The following BCAS3 variants were observed in gnomAD, a reference collection of about 807,000 sequenced individuals.
BCAS3 encodes the protein BCAS3 microtubule associated cell migration factor, also known as BCAS4/BCAS3 fusion.
A neutral mutation model predicts 116.1 loss-of-function variants in BCAS3; 53 were observed. The ratio of observed to expected loss-of-function variants is 0.46; its 90% CI spans 0.37 to 0.57. The LOEUF is 0.57. Ranked by LOEUF, BCAS3 falls within the 20% of genes least tolerant of loss-of-function variation. The pLI, the probability that BCAS3 is intolerant of heterozygous loss-of-function variation, is 0.00. For synonymous variants in BCAS3, 391 were observed against 408.2 expected, an observed-to-expected ratio of 0.96 and a Z score of 0.51; for missense variants, 917 against 1,165.4, an observed-to-expected ratio of 0.79 and a Z score of 3.10.
At chr17:61,262,939 G>T (rs931458804) in intron 22 of BCAS3, among the ~76,000 whole-genome samples, 1 of 152,010 alleles carries the variant, frequency 6.6e-6, no homozygotes, top group Non-Finnish European at 1.5e-5. Context: ...TGATCCACCC[G>T]CCTCAGCCTC....
chr17:60,889,614 G>T, intron 9 of BCAS3, 81 bp from the exon 10 acceptor site: 1 of 1,141,254 alleles, frequency 8.8e-7, no homozygotes, highest in Non-Finnish European at 1.3e-6. Flanking sequence ...TGATTTTTCT[G>T]TTTTTCTGGC....
chr17:60,859,570 AC>A (rs997075652), intron 7 of BCAS3, among the ~76,000 whole-genome samples: 8 of 137,742 alleles, frequency 5.8e-5, no homozygotes, highest in African/African-American at 2.5e-4. Context: ...AATATGTACC[AC>A]ATTTTTTTTT....
At chr17:61,314,649 C>T (rs1236049847) in intron 22 of BCAS3, among the ~76,000 whole-genome samples, 1 of 152,334 alleles carries the variant, frequency 6.6e-6, no homozygotes, top group South Asian at 2.1e-4. Context: ...AAGTGCTTGC[C>T]AAGCCTGAAA....
chr17:61,105,726 C>G lies in BCAS3; in HGVS notation c.2425+21162C>G, dbSNP rs2074604560. On this transcript the variant is annotated intron_variant, in intron 22 of 23. Coordinates refer to ENST00000407086, the MANE Select transcript of BCAS3 (RefSeq NM_017679.5). The surrounding 1 kb of genome is among the most constrained non-coding windows in gnomAD (Gnocchi z 4.3). ...ACAGGTGTGAGCCACTGTGCCCGGC[C>G]TAAACCCACAGAATTCTTATACCTC... Among the ~76,000 whole-genome samples the G allele has an allele frequency of 6.6e-6, 1 of 151,682 alleles. No individual in the cohort carries two copies. The highest frequency in any genetic ancestry group is 1.5e-5 in the Non-Finnish European group (1 of 67,976).
chr17:60,795,521 T>G (rs1048574994), intron 6 of BCAS3, among the ~76,000 whole-genome samples: 3 of 152,182 alleles, frequency 2.0e-5, no homozygotes, highest in African/African-American at 7.2e-5. Context: ...GCTTTCAACT[T>G]TTCCCCATTC....
chr17:60,718,518 T>C (rs1373403836), intron 5 of BCAS3, among the ~76,000 whole-genome samples: 2 of 152,288 alleles, frequency 1.3e-5, no homozygotes, highest in East Asian at 3.9e-4. Flanking sequence ...CACTGCAGCC[T>C]CTACCTCATG....
intron 6 of BCAS3, among the ~76,000 whole-genome samples, chr17:60,798,640 A>G (rs762266463): frequency 2.8e-4 from 42 of 152,264 alleles, no homozygotes; most frequent in South Asian, 6.2e-4. Context: ...TAAAGCTGTC[A>G]TAAACATTGT....
At position 61,213,358 on chromosome 17, in the gene BCAS3, C is replaced by T. The variant is rs1488403599; in HGVS notation, c.2425+128794C>T. The stretch of plus-strand genomic sequence containing the variant: ...CTAATTTTTGTATTTTTAGTAGAAA[C>T]GGGGTTTCACCAGCTTGGCCAGGCT... On this transcript the variant is annotated intron_variant, in intron 22 of 23. Coordinates refer to ENST00000407086, the MANE Select transcript of BCAS3 (RefSeq NM_017679.5). This position sits in a 1 kb window ranked among gnomAD's most constrained non-coding sequence, Gnocchi z 5.4. 3.3e-5 allele frequency among the ~76,000 whole-genome samples: 5 copies of T among 151,818 alleles called. No homozygotes were observed. Among genetic ancestry groups the T allele is most frequent in the Admixed American group, 6.6e-5 (1 of 15,222 alleles).
intron 22 of BCAS3, among the ~76,000 whole-genome samples, chr17:61,358,618 C>T (rs1266754709): frequency 6.6e-6 from 1 of 151,346 alleles, no homozygotes; most frequent in Non-Finnish European, 1.5e-5. Flanking sequence ...TCTCCTGCCT[C>T]AGCCTCCTGA....
intron 14 of BCAS3, among the ~76,000 whole-genome samples, chr17:60,982,415 C>T: frequency 6.6e-6 from 1 of 152,140 alleles, no homozygotes; most frequent in East Asian, 1.9e-4. Context: ...TTAAGCGATC[C>T]TTCTACCTTA....
At chr17:60,797,847 C>T (rs745898654) in intron 6 of BCAS3, among the ~76,000 whole-genome samples, 6 of 152,070 alleles carry the variant, frequency 3.9e-5, no homozygotes, top group Non-Finnish European at 7.4e-5. Flanking sequence ...AGTTTCCCAG[C>T]CTGGGCAACA....
At chr17:60,982,599 GT>G (rs1280841368) in intron 14 of BCAS3, among the ~76,000 whole-genome samples, 1 of 152,108 alleles carries the variant, frequency 6.6e-6, no homozygotes, top group African/African-American at 2.4e-5. Flanking sequence ...TCTCTCTACT[GT>G]GGAGAATCTA....
intron 3 of BCAS3, among the ~76,000 whole-genome samples, chr17:60,688,753 G>A (rs1020995255): frequency 1.3e-5 from 2 of 150,604 alleles, no homozygotes; most frequent in Non-Finnish European, 3.0e-5. Flanking sequence ...GAGGTGGAGG[G>A]TACAGTGAGC....
rs376797509 is a variant in BCAS3 at position 61,031,304 on chromosome 17, T to A, written c.1638-3362T>A. 7.9e-5 allele frequency among the ~76,000 whole-genome samples: 12 copies of A among 152,194 alleles called. No homozygotes were observed. The South Asian group carries it at 2.5e-3, about 32-fold the overall frequency. On this transcript the variant is annotated intron_variant, in intron 16 of 23. Transcript: ENST00000407086. ...TTCACGTATGTATCATTTTTCAATG[T>A]TTTATCTTTCTGTCAACAAAAGGTT...
chr17:60,990,079 C>T lies in BCAS3; in HGVS notation c.1330C>T (p.Arg444Cys), dbSNP rs753613820. ...CCCTTATGGTGGCCAGCCTTGTGTT[C>T]GTACACATATGTCACCACGAGTAGT... is the stretch of plus-strand genomic sequence containing the variant. The part of the protein sequence containing the change: ...INPYGGQPCV[R>C]THMSPRVVNR... Residue 444 changes from arginine to cysteine, a missense_variant, in exon 15 of 24, where the codon CGT becomes TGT. This residue lies in a region of BCAS3 where 807 missense variants were observed against 1,026.0 expected (regional missense o/e 0.79). Coordinates refer to ENST00000407086, the MANE Select transcript of BCAS3 (RefSeq NM_017679.5). The surrounding 1 kb of genome is among the most constrained non-coding windows in gnomAD (Gnocchi z 5.1). 5 of 1,614,016 alleles carry T rather than the reference C, an allele frequency of 3.1e-6. No homozygotes were observed. The highest frequency in any genetic ancestry group is 4.2e-6 in the Non-Finnish European group (5 of 1,180,036).
rs1050499182 is a variant in BCAS3 at position 61,366,749 on chromosome 17, A to G, written c.2426-1578A>G. On this transcript the variant is annotated intron_variant, in intron 22 of 23. Coordinates refer to ENST00000407086, the MANE Select transcript of BCAS3 (RefSeq NM_017679.5). The surrounding 1 kb of genome is among the most constrained non-coding windows in gnomAD (Gnocchi z 4.5). ...GGCCTCTTCTTGGGGAGATGCCCTTATAGATGCTGCCCATTCTCCCAGTGC... is the reference window on the plus strand; with the variant it reads ...GGCCTCTTCTTGGGGAGATGCCCTTGTAGATGCTGCCCATTCTCCCAGTGC... Among the ~76,000 whole-genome samples, 9 of 152,348 alleles carry G rather than the reference A, an allele frequency of 5.9e-5. No homozygotes were observed. The highest frequency in any genetic ancestry group is 1.2e-4 in the Non-Finnish European group (8 of 68,038).
At chr17:61,086,933 T>C in intron 22 of BCAS3, 1 of 985,448 alleles carries the variant, frequency 1.0e-6, no homozygotes, top group Admixed American at 6.1e-5. Context: ...AATGTCCATC[T>C]ACTTTAATAG....
In BCAS3 at chr17:61,041,083, T is replaced by C. The variant is rs1322528203; in HGVS notation, c.2029+191T>C. On this transcript the variant is annotated intron_variant, in intron 19 of 23. Transcript: ENST00000407086. The surrounding 1 kb of genome is among the most constrained non-coding windows in gnomAD (Gnocchi z 4.7). The stretch of plus-strand genomic sequence containing the variant: ...AGTATACATTATGTCTCTGACTGCT[T>C]ATATTCTTTACCTATGAAATATATT... 6.6e-6 allele frequency among the ~76,000 whole-genome samples: 1 copy of C among 152,210 alleles called. No individual in the cohort carries two copies. The highest frequency in any genetic ancestry group is 1.5e-5 in the Non-Finnish European group (1 of 68,032).
intron 6 of BCAS3, among the ~76,000 whole-genome samples, chr17:60,780,153 G>A (rs1028886237): frequency 2.0e-5 from 3 of 150,818 alleles, no homozygotes; most frequent in African/African-American, 7.3e-5. Flanking sequence ...ACCACACCCA[G>A]CTAATTTTTG....
Sources: gnomAD v4.1 joint callset for allele counts (sites outside exome capture counted in the v4.1 genomes callset) on GRCh38, gnomAD v4.1.1 for gene constraint, gnomAD v4.1.1 regional missense constraint, Gnocchi (gnomAD v3.1) non-coding constraint, MANE v1.5 for transcripts, NCBI Gene and HGNC (gene_info 2026-07-23, HGNC 2026-07-21) for gene names.